AK7: variants seen among roughly 807,000 people sequenced by gnomAD.
AK7 encodes adenylate kinase 7, also known as ATP-AMP transphosphorylase 7.
AK7 carries 78 observed loss-of-function variants against 96.6 expected under a neutral mutation model. That is an observed-to-expected ratio of 0.81 (90% CI 0.67 to 0.97). The LOEUF is 0.97. AK7 is among the 50% of genes least tolerant of loss of function. The probability of loss-of-function intolerance (pLI) is 0.00; values close to 1 mark genes in which losing one functional copy is unlikely to be tolerated. For synonymous variants in AK7, 302 were observed against 317.2 expected, an observed-to-expected ratio of 0.95 and a Z score of 0.51; for missense variants, 855 against 887.9, an observed-to-expected ratio of 0.96 and a Z score of 0.47.
At position 96,423,622 on chromosome 14, in the gene AK7, T is replaced by C. The variant is rs138774647; in HGVS notation, c.609+2690T>C. 4.1e-4 allele frequency: 227 copies of C among 556,348 alleles called. 5 individuals carry two copies. In the East Asian group the frequency reaches 9.1e-3, roughly 22 times the overall value. The allele number at this position is 556,348 out of a possible 1,614,324, so 34.5% of individuals were successfully genotyped here. A position where few individuals can be genotyped will look rare whatever the true frequency, so the allele number is the denominator to read the frequency against. On this transcript the variant is annotated intron_variant, in intron 5 of 17. Coordinates refer to ENST00000267584, the MANE Select transcript of AK7 (RefSeq NM_152327.5). ...GGGGAGTGGGAAGAGGAGAAAGCTA[T>C]GGTACATGCAGCACTGAACTGGAGA... is the stretch of plus-strand genomic sequence containing the variant.
At chr14:96,413,504 C>A (rs577930758) in intron 4 of AK7, among the ~76,000 whole-genome samples, 1 of 152,202 alleles carries the variant, frequency 6.6e-6, no homozygotes, top group Non-Finnish European at 1.5e-5. Context: ...CAAGCCACTG[C>A]GCCTGCCGGG....
At chr14:96,402,185 GCACACACA>G (rs34222287) in intron 2 of AK7, among the ~76,000 whole-genome samples, 76 of 146,258 alleles carry the variant, frequency 5.2e-4, no homozygotes, top group African/African-American at 1.4e-3. Context: ...ATACACAGAT[GCACACACA>G]CACACACACA....
At chr14:96,463,895 G>A (rs1894411099) in intron 12 of AK7, among the ~76,000 whole-genome samples, 1 of 152,032 alleles carries the variant, frequency 6.6e-6, no homozygotes, top group Non-Finnish European at 1.5e-5. Context: ...AGGGAAGGGT[G>A]GGGTCACCGC....
At chr14:96,447,971 AT>A (rs769919668) in intron 8 of AK7, among the ~76,000 whole-genome samples, 8 of 151,936 alleles carry the variant, frequency 5.3e-5, no homozygotes, top group Non-Finnish European at 1.2e-4. Flanking sequence ...CCAAAAAAAA[AT>A]ATACAGAAAT....
intron 6 of AK7, among the ~76,000 whole-genome samples, chr14:96,441,710 G>A (rs1474775600): frequency 1.3e-5 from 2 of 150,594 alleles, no homozygotes; most frequent in African/African-American, 2.4e-5. Context: ...GCTTTATGTA[G>A]TTCCTAGCTT....
intron 6 of AK7, among the ~76,000 whole-genome samples, chr14:96,442,154 G>A (rs564426132): frequency 9.2e-5 from 14 of 152,248 alleles, no homozygotes; most frequent in East Asian, 7.7e-4. Flanking sequence ...AATACTTAAT[G>A]AGAAGAAAAG....
rs1196030777 is a variant in AK7 at position 96,449,897 on chromosome 14, T to TG, written c.948+18_948+19insG. 39 of 1,495,418 alleles carry TG rather than the reference T, an allele frequency of 2.6e-5. No individual in the cohort carries two copies. In the Admixed American group the frequency reaches 7.5e-4, roughly 29 times the overall value. 92.6% of individuals were successfully genotyped at this position (1,495,418 alleles called of 1,614,324 possible). On this transcript the variant is annotated intron_variant, in intron 9 of 17. Coordinates refer to ENST00000267584, the MANE Select transcript of AK7 (RefSeq NM_152327.5). ...ACTTAACGGTTAGTATATGCGGTGT[T>TG]TTTTTTTTTTTAACTATCTTTCTCA... is the stretch of plus-strand genomic sequence containing the variant.
At chr14:96,475,978 TA>T (rs36080864) in intron 14 of AK7, among the ~76,000 whole-genome samples, 77 of 42,096 alleles carry the variant, frequency 1.8e-3, no homozygotes, top group Admixed American at 3.1e-3. Context: ...CCCTGTCTCT[TA>T]AAAAAAAAAA....
intron 15 of AK7, among the ~76,000 whole-genome samples, chr14:96,480,679 A>C (rs758641926): frequency 6.6e-6 from 1 of 152,190 alleles, no homozygotes; most frequent in Non-Finnish European, 1.5e-5. Context: ...GTTAGGTCCC[A>C]AAAACTGTTT....
At chr14:96,394,771 T>G (rs1389071919) in intron 1 of AK7, among the ~76,000 whole-genome samples, 2 of 151,908 alleles carry the variant, frequency 1.3e-5, no homozygotes, top group Non-Finnish European at 2.9e-5. Context: ...AGGTCAGGAG[T>G]TCGAGACTAG....
chr14:96,473,539 C>T (rs955502136), intron 14 of AK7, among the ~76,000 whole-genome samples: 1 of 151,744 alleles, frequency 6.6e-6, no homozygotes, highest in Non-Finnish European at 1.5e-5. Context: ...AGCCCAATAT[C>T]CCTTTTGTGC....
chr14:96,445,044 C>T (rs1459589710), intron 7 of AK7, among the ~76,000 whole-genome samples: 1 of 152,172 alleles, frequency 6.6e-6, no homozygotes. Context: ...TGTTGTTCTC[C>T]TTGTCCCTGC....
intron 8 of AK7, 131 bp from the exon 9 acceptor site, chr14:96,449,671 T>C (rs1893468401): frequency 1.6e-6 from 1 of 613,940 alleles, no homozygotes; most frequent in Non-Finnish European, 2.9e-6. Context: ...TGATTACGGG[T>C]GATCCGCCCA....
Position 96,488,522 on chromosome 14 carries a change from A to G in AK7, c.*179A>G. ...ATGACATGACTATGTCATTAAAACT[A>G]TATTTGAAATGTAAATTGATAAAGA... On this transcript the variant is annotated 3_prime_UTR_variant, in exon 18 of 18. Transcript: ENST00000267584. 2.0e-6 allele frequency: 1 copy of G among 507,222 alleles called. No homozygotes were observed. The highest frequency in any genetic ancestry group is 3.4e-5 in the South Asian group (1 of 29,478). The allele number at this position is 507,222 out of a possible 1,614,324, so 31.4% of individuals were successfully genotyped here.
In AK7 at chr14:96,481,704, CT is replaced by C. The variant is rs574599095; in HGVS notation, c.1754-1277del. On this transcript the variant is annotated intron_variant, in intron 15 of 17. Coordinates refer to ENST00000267584, the MANE Select transcript of AK7 (RefSeq NM_152327.5). ...GAGGAGCTACCGATATGACTTTTACCTTTTTTTTTTTTTTTTTTGAGACAAA... is the reference window on the plus strand; with the variant it reads ...GAGGAGCTACCGATATGACTTTTACCTTTTTTTTTTTTTTTTTGAGACAAA... Among the ~76,000 whole-genome samples the C allele has an allele frequency of 9.3e-3, 1,243 of 132,976 alleles. 14 individuals are homozygous for C. Among genetic ancestry groups the C allele is most frequent in the African/African-American group, 0.02 (722 of 35,372 alleles). The allele number at this position is 132,976 out of a possible 152,430, so 87.2% of individuals were successfully genotyped here. A position where few individuals can be genotyped will look rare whatever the true frequency, so the allele number is the denominator to read the frequency against.
In AK7 at chr14:96,483,112, C is replaced by A; in HGVS notation, c.1867C>A (p.Arg623=). ...LTDEEKAEEE[R]KAAEERLARE... ...AGACGAAGAAAAGGCAGAAGAGGAG[C>A]GGAAGGCTGCGGAGGAGCGGCTGGC... Residue 623 remains arginine, a synonymous_variant, in exon 16 of 18, where the codon CGG becomes AGG. Coordinates refer to ENST00000267584, the MANE Select transcript of AK7 (RefSeq NM_152327.5). 3.1e-6 allele frequency: 5 copies of A among 1,614,112 alleles called. No individual in the cohort carries two copies. The highest frequency in any genetic ancestry group is 4.2e-6 in the Non-Finnish European group (5 of 1,180,014).
At chr14:96,438,727 G>A (rs1045619201) in intron 6 of AK7, among the ~76,000 whole-genome samples, 6 of 152,152 alleles carry the variant, frequency 3.9e-5, no homozygotes, top group Non-Finnish European at 7.3e-5. Context: ...TAATCCATAT[G>A]ATATAAAAGG....
chr14:96,412,078 T>A (rs1181580852), intron 4 of AK7, among the ~76,000 whole-genome samples: 1 of 152,058 alleles, frequency 6.6e-6, no homozygotes. Context: ...CAAAGAAGGG[T>A]TTCCTCTGCC....
chr14:96,462,949 A>G (rs1894337968), intron 12 of AK7, among the ~76,000 whole-genome samples: 1 of 152,122 alleles, frequency 6.6e-6, no homozygotes, highest in Non-Finnish European at 1.5e-5. Flanking sequence ...CAGCCTGGCC[A>G]ACATGGTGAA....
Sources: allele counts gnomAD v4.1 joint callset (sites outside exome capture counted in the v4.1 genomes callset), GRCh38; gene constraint gnomAD v4.1.1; transcripts MANE v1.5; gene names NCBI Gene and HGNC (gene_info 2026-07-23, HGNC 2026-07-21).